The following ZFPM1 variants were observed in gnomAD, a reference collection of about 807,000 sequenced individuals.
ZFPM1 encodes zinc finger protein ZFPM1.
Under a neutral mutation model 46.3 loss-of-function variants are expected in ZFPM1, and 28 were observed. The observed-to-expected ratio is 0.60, with a 90% CI of 0.45 to 0.83. The LOEUF (loss-of-function observed/expected upper bound fraction) is 0.83, where lower values mean the gene tolerates loss of function less well. Ranked by LOEUF, ZFPM1 falls within the 40% of genes least tolerant of loss-of-function variation. The pLI is 0.00. For missense variants in ZFPM1, 1,878 were observed against 1,432.4 expected, an observed-to-expected ratio of 1.31 and a Z score of -5.02; for synonymous variants, 957 against 675.9, an observed-to-expected ratio of 1.42 and a Z score of -6.45.
Position 88,533,023 on chromosome 16 carries a change from G to A in ZFPM1, c.1189+88G>A, listed in dbSNP as rs979023860. ...GGCTTGTCGCCCAAGACAGGTGGGG[G>A]TCCGTTTCAGCCTTCGCTCTAAACC... On this transcript the variant is annotated intron_variant, in intron 9 of 9. Transcript: ENST00000319555. 3.2e-6 allele frequency: 5 copies of A among 1,557,384 alleles called. No homozygotes were observed. The African/African-American group carries it at 4.1e-5, about 13-fold the overall frequency.
chr16:88,453,825 G>T (rs1194079737), intron 1 of ZFPM1, 147 bp downstream of exon 1: 9 of 436,714 alleles, frequency 2.1e-5, no homozygotes, highest in Non-Finnish European at 2.5e-5. Flanking sequence ...TGCCAAGCGC[G>T]CCGTAATCTA....
At position 88,504,752 on chromosome 16, in the gene ZFPM1, A is replaced by C. The variant is rs746131483; in HGVS notation, c.269-9635A>C. ...CCACAGTCCCCAGAGAGCACCATGG[A>C]AGGGGTTCAGACAGGCAAGACCTGG... On this transcript the variant is annotated intron_variant, in intron 3 of 9. Transcript: ENST00000319555. Among the ~76,000 whole-genome samples the C allele has an allele frequency of 4.5e-4, 68 of 152,166 alleles. 1 individual carries two copies. Among genetic ancestry groups the C allele is most frequent in the Admixed American group, 2.0e-4 (3 of 15,286 alleles).
At chr16:88,459,748 C>G (rs1443710098) in intron 1 of ZFPM1, among the ~76,000 whole-genome samples, 13 of 71,422 alleles carry the variant, frequency 1.8e-4, no homozygotes, top group Non-Finnish European at 3.3e-4. Flanking sequence ...CCTCCTCCTC[C>G]CCTTCCTCCT....
chr16:88,511,572 G>C (rs1251441599), intron 3 of ZFPM1, among the ~76,000 whole-genome samples: 1 of 152,064 alleles, frequency 6.6e-6, no homozygotes, highest in South Asian at 2.1e-4. Flanking sequence ...TCTCAGCCTT[G>C]AGCCAAGTCC....
rs1368266315 is a variant in ZFPM1, at chr16:88,453,574, C to T, written c.-65C>T. ...CGGCCCCGCGGCCCCGCCGCGCCCC[C>T]GCCGCCCGCCGCCGCCCGCCCGGGG... On this transcript the variant is annotated 5_prime_UTR_variant, in exon 1 of 10. Transcript: ENST00000319555. 5.4e-6 allele frequency: 5 copies of T among 921,366 alleles called. No homozygotes were observed. In the African/African-American group the frequency reaches 7.2e-5, roughly 13 times the overall value. 57.1% of individuals were successfully genotyped at this position (921,366 alleles called of 1,614,324 possible).
At chr16:88,475,680 C>T (rs1203757674) in intron 1 of ZFPM1, among the ~76,000 whole-genome samples, 1 of 152,194 alleles carries the variant, frequency 6.6e-6, no homozygotes, top group Non-Finnish European at 1.5e-5. Context: ...GTCAGCACAC[C>T]TGGATCTGTG....
At chr16:88,483,887 G>A (rs1309693775) in intron 1 of ZFPM1, among the ~76,000 whole-genome samples, 1 of 152,236 alleles carries the variant, frequency 6.6e-6, no homozygotes, top group Admixed American at 6.5e-5. Context: ...CCTGCTGCAT[G>A]GAACGGCGGG....
intron 3 of ZFPM1, among the ~76,000 whole-genome samples, chr16:88,507,892 G>A (rs1056674184): frequency 1.3e-5 from 2 of 152,148 alleles, no homozygotes; most frequent in Admixed American, 6.5e-5. Flanking sequence ...GGCTCCACTC[G>A]GGGGCCTCCA....
In ZFPM1 at chr16:88,532,131, A is replaced by G. The variant is rs758942402; in HGVS notation, c.842A>G (p.Lys281Arg). The part of the protein sequence containing the change: ...GSPAAAATDE[K>R]PKETYPNERV... ...CCGGCCGCAGCCGCCACAGACGAGA[A>G]GCCCAAAGAGACCTACCCCAACGAG... Residue 281 changes from lysine to arginine, a missense_variant, in exon 7 of 10, where the codon AAG becomes AGG. Physicochemically the swap from Lys to Arg is conservative, Grantham distance 26. Transcript: ENST00000319555. 1.4e-5 allele frequency: 22 copies of G among 1,612,498 alleles called. 1 individual carries two copies. The highest frequency in any genetic ancestry group is 1.6e-4 in the Middle Eastern group (1 of 6,084).
In ZFPM1 at chr16:88,485,948, G is replaced by A. The variant is rs1311472810; in HGVS notation, c.50G>A (p.Gly17Glu). 14 of 1,612,714 alleles carry A rather than the reference G, an allele frequency of 8.7e-6. No homozygotes were observed. Among genetic ancestry groups the A allele is most frequent in the Middle Eastern group, 1.6e-4 (1 of 6,078 alleles). The part of the protein sequence containing the change: ...SNPRQIKRSL[G>E]DMEAREEVQL... ...CGTCTTGTGTCCACAGGTTCCCTCG[G>A]AGACATGGAGGCCAGAGAGGAGGTG... Residue 17 changes from glycine (G) to glutamate (E), a missense_variant, in exon 2 of 10, where the codon GGA becomes GAA. By Grantham distance (98) the Gly-to-Glu change is moderately conservative. Transcript: ENST00000319555.
chr16:88,536,745 C>T lies in ZFPM1; in HGVS notation c.*1766C>T, dbSNP rs1029196667. The T allele has an allele frequency of 2.6e-5, 4 of 152,296 alleles. No individual in the cohort carries two copies. The highest frequency in any genetic ancestry group is 9.6e-5 in the African/African-American group (4 of 41,464). The allele number at this position is 152,296 out of a possible 1,614,324, so 9.4% of individuals were successfully genotyped here. Reference sequence around the variant, plus strand: ...GACAGACATGGCTTCCACCCCCTCCCAGGGACCTGAGCTCCAGGGAAGGCA... The same window carrying T: ...GACAGACATGGCTTCCACCCCCTCCTAGGGACCTGAGCTCCAGGGAAGGCA... On this transcript the variant is annotated 3_prime_UTR_variant, in exon 10 of 10. Transcript: ENST00000319555.
chr16:88,509,876 G>A (rs988267625), intron 3 of ZFPM1, among the ~76,000 whole-genome samples: 6 of 152,258 alleles, frequency 3.9e-5, no homozygotes, highest in East Asian at 1.9e-4. Context: ...TGCCACACGC[G>A]CGTCACGGAG....
chr16:88,488,633 A>T (rs1284165195), intron 2 of ZFPM1, among the ~76,000 whole-genome samples: 1 of 152,170 alleles, frequency 6.6e-6, no homozygotes, highest in African/African-American at 2.4e-5. Flanking sequence ...TTATCAGGCC[A>T]GCTGGGAAGG....
intron 6 of ZFPM1, among the ~76,000 whole-genome samples, chr16:88,531,603 C>G (rs1912789038): frequency 6.6e-6 from 1 of 152,226 alleles, no homozygotes. Context: ...GCACGCACAT[C>G]TGTACACACA....
intron 1 of ZFPM1, among the ~76,000 whole-genome samples, chr16:88,466,567 G>C (rs1908144274): frequency 6.6e-6 from 1 of 152,236 alleles, no homozygotes; most frequent in South Asian, 2.1e-4. Context: ...ACGGCTGAGG[G>C]CCGCACAGCC....
At chr16:88,494,287 C>T (rs1275943214) in intron 3 of ZFPM1, among the ~76,000 whole-genome samples, 1 of 152,122 alleles carries the variant, frequency 6.6e-6, no homozygotes, top group East Asian at 1.9e-4. Flanking sequence ...ACCTTGCGCT[C>T]CCCCGTCGGT....
intron 1 of ZFPM1, among the ~76,000 whole-genome samples, chr16:88,465,845 G>A (rs999195540): frequency 1.3e-5 from 2 of 152,228 alleles, no homozygotes; most frequent in African/African-American, 4.8e-5. Flanking sequence ...AGCGATTAGC[G>A]GCGATTAGAG....
chr16:88,464,832 A>G (rs2142346577), intron 1 of ZFPM1, among the ~76,000 whole-genome samples: 1 of 151,918 alleles, frequency 6.6e-6, no homozygotes. Context: ...AGCCTTGATA[A>G]TGGAGGAGAT....
intron 4 of ZFPM1, chr16:88,516,562 G>C (rs897573559): frequency 3.8e-5 from 15 of 398,566 alleles, no homozygotes; most frequent in African/African-American, 3.1e-4. Context: ...TCCCCAGCGA[G>C]GCGCTATCTC....
Sources: allele counts gnomAD v4.1 joint callset (sites outside exome capture counted in the v4.1 genomes callset), GRCh38; gene constraint gnomAD v4.1.1; transcripts MANE v1.5; gene names NCBI Gene and HGNC (gene_info 2026-07-23, HGNC 2026-07-21).